Variants in TG observed in about 807,000 individuals in gnomAD.
TG encodes thyroglobulin.
A neutral mutation model predicts 324.7 loss-of-function variants in TG; 270 were observed. The ratio of observed to expected loss-of-function variants is 0.83; its 90% CI spans 0.75 to 0.92. TG has a LOEUF of 0.92. Ranked by LOEUF, TG falls within the 40% of genes least tolerant of loss-of-function variation. TG has a pLI of 0.00. For missense variants in TG, 3,591 were observed against 3,456.4 expected (o/e 1.04, Z -0.98); for synonymous variants, 1,401 against 1,327.0 (o/e 1.06, Z -1.21).
chr8:133,120,266 G>A (rs11786982), intron 45 of TG, among the ~76,000 whole-genome samples: 34,533 of 151,988 alleles, frequency 0.23, 4,137 homozygotes, highest in African/African-American at 0.27. Flanking sequence ...ATTTACAGTG[G>A]CAAAATAAAA....
chr8:133,075,094 T>C, intron 41 of TG: 1 of 985,376 alleles, frequency 1.0e-6, no homozygotes, highest in Middle Eastern at 5.2e-4. Flanking sequence ...GTTCCTGTTT[T>C]CAGTAACCAC....
At position 132,931,907 on chromosome 8, in the gene TG, A is replaced by G. The variant is rs531407716; in HGVS notation, c.4817-1654A>G. ...AGCCTGGGCAATGTGGTGAAACTGCATCTCTACAAAAAAATAAAAATAATA... is the reference window on the plus strand; with the variant it reads ...AGCCTGGGCAATGTGGTGAAACTGCGTCTCTACAAAAAAATAAAAATAATA... On this transcript the variant is annotated intron_variant, in intron 23 of 47. Coordinates refer to ENST00000220616, the MANE Select transcript of TG (RefSeq NM_003235.5). Among the ~76,000 whole-genome samples the G allele has an allele frequency of 8.5e-5, 13 of 152,160 alleles. No homozygotes were observed. The South Asian group carries it at 1.9e-3, about 22-fold the overall frequency.
At chr8:132,970,498 A>G (rs1829350465) in intron 32 of TG, among the ~76,000 whole-genome samples, 1 of 152,192 alleles carries the variant, frequency 6.6e-6, no homozygotes, top group Non-Finnish European at 1.5e-5. Flanking sequence ...ATTCTTTTAT[A>G]CTTAAAAATT....
intron 41 of TG, chr8:133,038,146 A>G (rs1837424453): frequency 4.8e-6 from 1 of 209,696 alleles, no homozygotes; most frequent in Non-Finnish European, 9.7e-6. Flanking sequence ...AGTTCTCTCC[A>G]ATGACCTTGG....
intron 45 of TG, among the ~76,000 whole-genome samples, chr8:133,130,116 G>A (rs1851831814): frequency 6.6e-6 from 1 of 152,204 alleles, no homozygotes; most frequent in South Asian, 2.1e-4. Flanking sequence ...CCATTTTACA[G>A]AGGAGGACAC....
chr8:133,102,485 C>G, intron 43 of TG: 3 of 1,436,416 alleles, frequency 2.1e-6, no homozygotes, highest in Non-Finnish European at 2.9e-6. Flanking sequence ...GACCCTCCCC[C>G]ACATACCACC....
At chr8:133,030,177 T>A (rs1414229210) in intron 41 of TG, among the ~76,000 whole-genome samples, 154 bp downstream of exon 41, 1 of 152,236 alleles carries the variant, frequency 6.6e-6, no homozygotes, top group Non-Finnish European at 1.5e-5. Flanking sequence ...TCCATGTATG[T>A]GTGATTCCAC....
At chr8:132,914,836 G>T (rs1820060019) in intron 20 of TG, among the ~76,000 whole-genome samples, 1 of 152,186 alleles carries the variant, frequency 6.6e-6, no homozygotes. Flanking sequence ...GTGAGATAGG[G>T]TTGCAGAGAG....
chr8:132,986,966 A>G (rs954477023), intron 35 of TG, among the ~76,000 whole-genome samples: 2 of 152,232 alleles, frequency 1.3e-5, no homozygotes, highest in Non-Finnish European at 2.9e-5. Context: ...TTAAAGATGC[A>G]TAAACCAAAG....
rs777256258 is a variant in TG, at chr8:133,133,583, T to C, written c.8111T>C (p.Leu2704Pro). ...GENYKEFSEL[L>P]PNRQGLKKAD... ...AACTACAAGGAGTTCAGTGAGCTGC[T>C]CCCCAATCGACAGGGCCTGAAGAAA... Residue 2704 changes from leucine to proline, a missense_variant, in exon 47 of 48, where the codon CTC (leucine) becomes CCC (proline). Transcript: ENST00000220616. 6.2e-7 allele frequency: 1 copy of C among 1,614,070 alleles called. No homozygotes were observed. Among genetic ancestry groups the C allele is most frequent in the Non-Finnish European group, 8.5e-7 (1 of 1,180,038 alleles).
chr8:132,923,645 G>A, intron 22 of TG, 137 bp downstream of exon 22: 1 of 1,074,464 alleles, frequency 9.3e-7, no homozygotes, highest in Non-Finnish European at 1.3e-6. Flanking sequence ...CTGTGTAGAA[G>A]TTGGAAGAAC....
chr8:133,057,165 C>G (rs1158551890), intron 41 of TG, among the ~76,000 whole-genome samples: 1 of 149,178 alleles, frequency 6.7e-6, no homozygotes, highest in South Asian at 2.2e-4. Context: ...GGGGTCTGTG[C>G]TGCTGCCTCT....
chr8:132,873,018 T>A, intron 4 of TG, 44 bp from the exon 5 acceptor site: 1 of 1,602,052 alleles, frequency 6.2e-7, no homozygotes, highest in Non-Finnish European at 8.6e-7. Context: ...CAGAAATATG[T>A]GTCTACTCAT....
intron 26 of TG, among the ~76,000 whole-genome samples, chr8:132,946,721 G>A (rs989662195): frequency 6.6e-6 from 1 of 152,202 alleles, no homozygotes; most frequent in East Asian, 1.9e-4. Flanking sequence ...ACATTTTAGT[G>A]GAGACTGCTT....
chr8:133,033,972 G>A (rs1293682149), intron 41 of TG, among the ~76,000 whole-genome samples: 1 of 152,236 alleles, frequency 6.6e-6, no homozygotes, highest in Non-Finnish European at 1.5e-5. Flanking sequence ...TTCAGAGACA[G>A]TGCTGAGTTC....
intron 25 of TG, among the ~76,000 whole-genome samples, chr8:132,936,901 A>G (rs1283655570): frequency 1.3e-5 from 2 of 151,132 alleles, no homozygotes; most frequent in African/African-American, 2.4e-5. Flanking sequence ...CCTGTGTGGA[A>G]CCCCTCCTCT....
At position 132,967,956 on chromosome 8, in the gene TG, T is replaced by C. The variant is rs1404633336; in HGVS notation, c.5849T>C (p.Leu1950Pro). Residue 1950 changes from leucine (L) to proline (P), a missense_variant, in exon 31 of 48, where the codon CTG becomes CCG. By Grantham distance (98) the Leu-to-Pro change is moderately conservative. Coordinates refer to ENST00000220616, the MANE Select transcript of TG (RefSeq NM_003235.5). ...ATCCTGCCTCAGATGCCAAAGGCCC[T>C]GTTCCGGAAGAAAGGTGAGCACTTG... ...RLILPQMPKA[L>P]FRKKVILEDK... 6.2e-7 allele frequency: 1 copy of C among 1,613,676 alleles called. No homozygotes were observed. The highest frequency in any genetic ancestry group is 8.5e-7 in the Non-Finnish European group (1 of 1,179,814).
At chr8:132,913,506 G>A (rs977879507) in intron 20 of TG, among the ~76,000 whole-genome samples, 2 of 152,206 alleles carry the variant, frequency 1.3e-5, no homozygotes, top group Non-Finnish European at 2.9e-5. Flanking sequence ...TGATAAGCTT[G>A]GACCCTGGGC....
rs1227976991 is a variant in TG, at chr8:133,060,336, G to A, written c.7239+30313G>A. On this transcript the variant is annotated intron_variant, in intron 41 of 47. Coordinates refer to ENST00000220616, the MANE Select transcript of TG (RefSeq NM_003235.5). ...TGAAAGGCGGCTGTTTATATGTGAA[G>A]ATGAGATTGGTGAAGATTGGTTACT... The A allele has an allele frequency of 2.0e-4, 315 of 1,551,784 alleles. 4 individuals carry two copies. The South Asian group carries it at 3.6e-3, about 18-fold the overall frequency.
Sources: allele counts gnomAD v4.1 joint callset (sites outside exome capture counted in the v4.1 genomes callset), GRCh38; gene constraint gnomAD v4.1.1; transcripts MANE v1.5; gene names NCBI Gene and HGNC (gene_info 2026-07-23, HGNC 2026-07-21).